KLHL29: variants seen among roughly 807,000 people sequenced by gnomAD.
KLHL29 encodes kelch like family member 29, also known as kelch-like protein 29.
KLHL29 carries 21 observed loss-of-function variants against 80.4 expected under a neutral mutation model. The observed-to-expected ratio is 0.26, with a 90% CI of 0.19 to 0.38. KLHL29 has a LOEUF of 0.38. Among genes scored for constraint, KLHL29 ranks in the 10% least tolerant of loss-of-function variants. The probability of loss-of-function intolerance (pLI) is 1.00; values close to 1 mark genes in which losing one functional copy is unlikely to be tolerated. For synonymous variants in KLHL29, 511 were observed against 526.8 expected (o/e 0.97, Z 0.41); for missense variants, 867 against 1,223.9 (o/e 0.71, Z 4.35).
chr2:23,656,434 A>G (rs66983662), intron 5 of KLHL29, among the ~76,000 whole-genome samples: 24,604 of 152,256 alleles, frequency 0.16, 2,261 homozygotes, highest in Middle Eastern at 0.22. Context: ...AGGAGCAGGC[A>G]TGAGAAATGT....
intron 1 of KLHL29, among the ~76,000 whole-genome samples, chr2:23,461,499 G>C (rs548107921): frequency 7.6e-4 from 116 of 152,294 alleles, no homozygotes; most frequent in Non-Finnish European, 1.2e-3. Context: ...GAGTTCTCGC[G>C]TAGCTGTTAA....
intron 13 of KLHL29, among the ~76,000 whole-genome samples, chr2:23,705,297 C>A (rs527983806): frequency 6.6e-6 from 1 of 152,274 alleles, no homozygotes; most frequent in Non-Finnish European, 1.5e-5. Flanking sequence ...TCAAGACCAG[C>A]CTGACCAACA....
At chr2:23,523,054 G>C (rs997010474) in intron 2 of KLHL29, among the ~76,000 whole-genome samples, 1 of 152,014 alleles carries the variant, frequency 6.6e-6, no homozygotes, top group Non-Finnish European at 1.5e-5. Context: ...TTAGTGGGGA[G>C]GGGGGATGGT....
Position 23,642,819 on chromosome 2 carries a change from G to A in KLHL29, c.909G>A (p.Lys303=). Residue 303 remains lysine, a synonymous_variant, in exon 5 of 14, where the codon AAG becomes AAA. Transcript: ENST00000486442. ...TGCTGCGGACCATTGGCGTGGGGAAGTATGAGTTCACCGACCCGGGGCACC... is the reference window on the plus strand; with the variant it reads ...TGCTGCGGACCATTGGCGTGGGGAAATATGAGTTCACCGACCCGGGGCACC... The part of the protein sequence containing the change: ...LQMLRTIGVG[K]YEFTDPGHPR... The A allele has an allele frequency of 6.4e-7, 1 of 1,550,460 alleles. No individual in the cohort carries two copies. Among genetic ancestry groups the A allele is most frequent in the Non-Finnish European group, 8.7e-7 (1 of 1,146,882 alleles).
At chr2:23,665,393 G>A (rs1420449647) in intron 5 of KLHL29, among the ~76,000 whole-genome samples, 1 of 152,156 alleles carries the variant, frequency 6.6e-6, no homozygotes, top group Non-Finnish European at 1.5e-5. Flanking sequence ...TGCCCAATGG[G>A]ACACTAGTCA....
intron 2 of KLHL29, among the ~76,000 whole-genome samples, chr2:23,481,399 C>A (rs1396380707): frequency 6.6e-6 from 1 of 152,248 alleles, no homozygotes; most frequent in Non-Finnish European, 1.5e-5. Flanking sequence ...CCCTGCAATC[C>A]TTTCTGGAAC....
chr2:23,423,396 G>A (rs1285108623), intron 1 of KLHL29, among the ~76,000 whole-genome samples: 2 of 152,188 alleles, frequency 1.3e-5, no homozygotes, highest in Admixed American at 6.5e-5. Flanking sequence ...GCCCTGCCCT[G>A]AGAGCTGCCC....
intron 5 of KLHL29, among the ~76,000 whole-genome samples, chr2:23,649,121 C>T (rs1670018735): frequency 6.6e-6 from 1 of 152,186 alleles, no homozygotes. Flanking sequence ...TCAGGACCAC[C>T]ACTGCTTTTA....
At chr2:23,570,075 T>G (rs1177530704) in intron 3 of KLHL29, among the ~76,000 whole-genome samples, 1 of 152,238 alleles carries the variant, frequency 6.6e-6, no homozygotes, top group Non-Finnish European at 1.5e-5. Flanking sequence ...TCGTGGCATA[T>G]TAATTTTCAT....
At chr2:23,434,708 G>A (rs1663289437) in intron 1 of KLHL29, among the ~76,000 whole-genome samples, 1 of 152,226 alleles carries the variant, frequency 6.6e-6, no homozygotes, top group African/African-American at 2.4e-5. Context: ...GCAGCAGGCT[G>A]GGTTTTGACA....
intron 5 of KLHL29, among the ~76,000 whole-genome samples, chr2:23,677,616 G>A (rs1670958833): frequency 6.6e-6 from 1 of 152,204 alleles, no homozygotes; most frequent in South Asian, 2.1e-4. Flanking sequence ...ACTCTTCTTT[G>A]GAAAAGAAGT....
intron 8 of KLHL29, 85 bp downstream of exon 8, chr2:23,693,613 G>GGTTCAC: frequency 7.3e-7 from 1 of 1,376,518 alleles, no homozygotes; most frequent in Non-Finnish European, 1.0e-6. Context: ...GAGGAAGGAA[G>GGTTCAC]TGAACCTTCC....
At chr2:23,486,469 G>A (rs764722394) in intron 2 of KLHL29, among the ~76,000 whole-genome samples, 11 of 151,938 alleles carry the variant, frequency 7.2e-5, no homozygotes, top group South Asian at 2.1e-4. Context: ...ATTTATGATC[G>A]ATCCCCAAGG....
At chr2:23,466,009 T>C (rs1366024262) in intron 1 of KLHL29, among the ~76,000 whole-genome samples, 1 of 151,882 alleles carries the variant, frequency 6.6e-6, no homozygotes, top group African/African-American at 2.4e-5. Flanking sequence ...CAGTCCTCAG[T>C]CTGGAGTGCA....
In KLHL29 at chr2:23,562,024, G is replaced by C; in HGVS notation, c.-45-128G>C. 3 of 671,556 alleles carry C rather than the reference G, an allele frequency of 4.5e-6. No individual in the cohort carries two copies. In the East Asian group the frequency reaches 8.2e-5, roughly 18 times the overall value. The allele number at this position is 671,556 out of a possible 1,614,324, so 41.6% of individuals were successfully genotyped here. A position where few individuals can be genotyped will look rare whatever the true frequency, so the allele number is the denominator to read the frequency against. ...AATGATCCATGCTTTGTGGGCTAGCGTGACTCTGAAATGAGCTAATGTTTG... is the reference window on the plus strand; with the variant it reads ...AATGATCCATGCTTTGTGGGCTAGCCTGACTCTGAAATGAGCTAATGTTTG... On this transcript the variant is annotated intron_variant, in intron 2 of 13. Transcript: ENST00000486442. This position sits in a 1 kb window ranked among gnomAD's most constrained non-coding sequence, Gnocchi z 4.5.
chr2:23,691,963 G>A lies in KLHL29; in HGVS notation c.1282+87G>A. On this transcript the variant is annotated intron_variant, in intron 7 of 13. Coordinates refer to ENST00000486442, the MANE Select transcript of KLHL29 (RefSeq NM_052920.2). ...TAAACAGCAAGGACTGAGCGGGGAG[G>A]TCTGTGTGTGCACACCTGAAGCTCC... 5 of 1,333,616 alleles carry A rather than the reference G, an allele frequency of 3.7e-6. No individual in the cohort carries two copies. The South Asian group carries it at 6.5e-5, about 17-fold the overall frequency. The allele number at this position is 1,333,616 out of a possible 1,614,324, so 82.6% of individuals were successfully genotyped here.
At chr2:23,468,964 G>A (rs767603765) in intron 1 of KLHL29, among the ~76,000 whole-genome samples, 15 of 152,350 alleles carry the variant, frequency 9.8e-5, no homozygotes, top group Non-Finnish European at 1.6e-4. Context: ...GCCTGACCAG[G>A]CCCCTGGGGC....
intron 2 of KLHL29, among the ~76,000 whole-genome samples, chr2:23,555,192 G>C (rs1032556601): frequency 3.3e-5 from 5 of 151,864 alleles, no homozygotes; most frequent in Non-Finnish European, 5.9e-5. Context: ...GGCTGACCTA[G>C]CACAGAGGGC....
chr2:23,650,202 G>A (rs1269740019), intron 5 of KLHL29, among the ~76,000 whole-genome samples: 1 of 152,248 alleles, frequency 6.6e-6, no homozygotes, highest in Non-Finnish European at 1.5e-5. Context: ...GGCCTCAGGG[G>A]CTGGAGAAAA....
Sources: gnomAD v4.1 joint callset for allele counts (sites outside exome capture counted in the v4.1 genomes callset) on GRCh38, gnomAD v4.1.1 for gene constraint, Gnocchi (gnomAD v3.1) non-coding constraint, MANE v1.5 for transcripts, NCBI Gene and HGNC (gene_info 2026-07-23, HGNC 2026-07-21) for gene names.